The following GSK3B variants were observed in gnomAD, a reference collection of about 807,000 sequenced individuals.
The protein encoded by GSK3B is glycogen synthase kinase-3 beta.
GSK3B carries 15 observed loss-of-function variants against 56.4 expected under a neutral mutation model. The observed-to-expected ratio is 0.27, with a 90% CI of 0.18 to 0.41. The LOEUF is 0.41. Ranked by LOEUF, GSK3B falls within the 10% of genes least tolerant of loss-of-function variation. The pLI is 1.00. For missense variants in GSK3B, 300 were observed against 513.4 expected (o/e 0.58, Z 4.02); for synonymous variants, 181 against 188.9 (o/e 0.96, Z 0.34).
intron 9 of GSK3B, among the ~76,000 whole-genome samples, chr3:119,844,667 T>A (rs2055830976): frequency 6.6e-6 from 1 of 150,924 alleles, no homozygotes; most frequent in Non-Finnish European, 1.5e-5. Context: ...ATGGCAGTAA[T>A]TAATAGCCTA....
chr3:119,828,478 C>G (rs776848370), intron 10 of GSK3B, among the ~76,000 whole-genome samples: 1 of 152,152 alleles, frequency 6.6e-6, no homozygotes, highest in African/African-American at 2.4e-5. Flanking sequence ...TCTCTAGAAG[C>G]CACAATGCCA....
rs1437343531 is a variant in GSK3B, at chr3:119,822,671, G to A, written c.*4117C>T. 4.4e-6 allele frequency: 1 copy of A among 229,050 alleles called. No homozygotes were observed. The highest frequency in any genetic ancestry group is 8.7e-6 in the Non-Finnish European group (1 of 115,564). 14.2% of individuals were successfully genotyped at this position (229,050 alleles called of 1,614,324 possible). On this transcript the variant is annotated 3_prime_UTR_variant, in exon 11 of 11. Transcript: ENST00000264235. ...TCTAGTTGTCTCTTTTATTTTCAGT[G>A]GCTCAGGTTTCTACCAGAAAAGACA...
At chr3:119,921,718 C>T (rs1277261011) in intron 4 of GSK3B, among the ~76,000 whole-genome samples, 3 of 151,980 alleles carry the variant, frequency 2.0e-5, no homozygotes, top group Non-Finnish European at 2.9e-5. Flanking sequence ...TAACTGAATG[C>T]CAATTCAAAA....
intron 2 of GSK3B, among the ~76,000 whole-genome samples, chr3:120,000,765 AT>A (rs2057667771): frequency 6.7e-6 from 1 of 150,064 alleles, no homozygotes; most frequent in Non-Finnish European, 1.5e-5. Flanking sequence ...CGAGAACTGA[AT>A]TTTGGGATTG....
At chr3:119,996,266 ATCT>A (rs1279238600) in intron 2 of GSK3B, among the ~76,000 whole-genome samples, 2 of 152,248 alleles carry the variant, frequency 1.3e-5, no homozygotes, top group African/African-American at 2.4e-5. Context: ...CTGTCTGTAC[ATCT>A]TCTCCATCAA....
intron 1 of GSK3B, among the ~76,000 whole-genome samples, chr3:120,081,532 C>T (rs531543538): frequency 3.3e-5 from 5 of 152,198 alleles, no homozygotes; most frequent in Middle Eastern, 3.4e-3. Flanking sequence ...GGCAACAGAG[C>T]GAGACTCCAT....
intron 1 of GSK3B, chr3:120,084,785 G>T (rs921738587): frequency 6.6e-6 from 1 of 152,150 alleles, no homozygotes; most frequent in Non-Finnish European, 1.5e-5. Flanking sequence ...TAATTGCCAC[G>T]AGAGGAGCTC....
intron 1 of GSK3B, among the ~76,000 whole-genome samples, chr3:120,078,478 TCTAA>T (rs1230934505): frequency 2.0e-5 from 3 of 152,036 alleles, no homozygotes; most frequent in African/African-American, 7.2e-5. Flanking sequence ...ACCCTTTGTT[TCTAA>T]CTAAGTTCTC....
chr3:119,827,608 AAG>A (rs1400723119), intron 10 of GSK3B, among the ~76,000 whole-genome samples: 21 of 94,634 alleles, frequency 2.2e-4, no homozygotes, highest in East Asian at 1.5e-3. Context: ...AAAAAAAAAA[AAG>A]AGAGAGAGAG....
chr3:119,956,717 G>A (rs75225928), intron 2 of GSK3B, among the ~76,000 whole-genome samples: 3,940 of 152,232 alleles, frequency 0.026, 176 homozygotes, highest in African/African-American at 0.089. Flanking sequence ...GTAAGCCTTA[G>A]GAAAGGTGAG....
chr3:119,923,499 T>G lies in GSK3B; in HGVS notation c.367-16A>C. On this transcript the variant is annotated splice_polypyrimidine_tract_variant and intron_variant, in intron 3 of 10. Coordinates refer to ENST00000264235, the MANE Select transcript of GSK3B (RefSeq NM_001146156.2). ...CCTCATCTTTCTGAAAGAGTTTATT[T>G]AAAAAAACAAAAAACAAAACAGATT... is the stretch of plus-strand genomic sequence containing the variant. The G allele has an allele frequency of 7.4e-7, 1 of 1,348,896 alleles. No homozygotes were observed. Among genetic ancestry groups the G allele is most frequent in the Non-Finnish European group, 1.0e-6 (1 of 965,658 alleles). 83.6% of individuals were successfully genotyped at this position (1,348,896 alleles called of 1,614,324 possible).
At position 120,082,382 on chromosome 3, in the gene GSK3B, G is replaced by GTTTTT. The variant is rs1296252569; in HGVS notation, c.88+10964_88+10965insAAAAA. On this transcript the variant is annotated intron_variant, in intron 1 of 10. Transcript: ENST00000264235. Reference sequence around the variant, plus strand: ...AAATGTGGCTAGCCCAAATTAGTATGTTCTTTTTTTTTTTTTTTTTTTTTT... The same window carrying GTTTTT: ...AAATGTGGCTAGCCCAAATTAGTATGTTTTTTTCTTTTTTTTTTTTTTTTTTTTTT... Among the ~76,000 whole-genome samples the GTTTTT allele has an allele frequency of 4.1e-4, 30 of 72,490 alleles. 1 individual carries two copies. Among genetic ancestry groups the GTTTTT allele is most frequent in the African/African-American group, 1.4e-3 (24 of 17,742 alleles). The allele number at this position is 72,490 out of a possible 152,430, so 47.6% of individuals were successfully genotyped here.
At chr3:119,973,068 T>C (rs1267997421) in intron 2 of GSK3B, among the ~76,000 whole-genome samples, 1 of 152,126 alleles carries the variant, frequency 6.6e-6, no homozygotes, top group Non-Finnish European at 1.5e-5. Flanking sequence ...TGCCACTAAG[T>C]GAGACCTTAC....
intron 7 of GSK3B, among the ~76,000 whole-genome samples, chr3:119,899,644 A>T (rs115630609): frequency 2.6e-3 from 393 of 152,266 alleles, no homozygotes; most frequent in African/African-American, 9.1e-3. Context: ...AACATTTGTA[A>T]CAAAAATGTA....
At position 119,942,535 on chromosome 3, in the gene GSK3B, G is replaced by A. The variant is rs558954213; in HGVS notation, c.366+4733C>T. Among the ~76,000 whole-genome samples the A allele has an allele frequency of 4.7e-4, 72 of 152,182 alleles. 1 individual carries two copies. Among genetic ancestry groups the A allele is most frequent in the Middle Eastern group, 3.4e-3 (1 of 294 alleles). ...AGCTGGTCTCGATTCAACCGCCACG[G>A]CCTCCCAAAATGCTGGGATTACAGG... On this transcript the variant is annotated intron_variant, in intron 3 of 10. Coordinates refer to ENST00000264235, the MANE Select transcript of GSK3B (RefSeq NM_001146156.2).
intron 10 of GSK3B, among the ~76,000 whole-genome samples, chr3:119,842,368 T>G (rs1461959372): frequency 3.3e-5 from 5 of 152,152 alleles, no homozygotes; most frequent in Non-Finnish European, 7.3e-5. Context: ...AAATCTCAGT[T>G]AAACATATTT....
intron 8 of GSK3B, among the ~76,000 whole-genome samples, chr3:119,869,463 T>C (rs1032671881): frequency 2.0e-5 from 3 of 152,172 alleles, no homozygotes; most frequent in African/African-American, 7.2e-5. Flanking sequence ...TCAAGTCTAC[T>C]GCATAATTTT....
rs374140767 is a variant in GSK3B at position 119,988,205 on chromosome 3, C to T, written c.282+13841G>A. 3.9e-5 allele frequency among the ~76,000 whole-genome samples: 6 copies of T among 152,258 alleles called. No individual in the cohort carries two copies. In the East Asian group the frequency reaches 9.6e-4, roughly 24 times the overall value. ...TATTGAGCATGACAGGAATTAATTC[C>T]ATGAACTAAACTAACAGGAGACCAA... On this transcript the variant is annotated intron_variant, in intron 2 of 10. Transcript: ENST00000264235.
chr3:119,948,141 C>A (rs573888059), intron 2 of GSK3B, among the ~76,000 whole-genome samples: 16 of 152,142 alleles, frequency 1.1e-4, no homozygotes, highest in South Asian at 6.2e-4. Flanking sequence ...TTACATAACA[C>A]ACAGAAGCAA....
Sources: gnomAD v4.1 joint callset for allele counts (sites outside exome capture counted in the v4.1 genomes callset) on GRCh38, gnomAD v4.1.1 for gene constraint, MANE v1.5 for transcripts, NCBI Gene and HGNC (gene_info 2026-07-23, HGNC 2026-07-21) for gene names.